TMC5: variants seen among roughly 807,000 people sequenced by gnomAD.
TMC5 encodes the protein transmembrane channel like 5.
In TMC5, 86 loss-of-function variants were observed where a neutral mutation model predicts 110.5. The observed-to-expected ratio is 0.78, with a 90% CI of 0.65 to 0.93. The LOEUF (loss-of-function observed/expected upper bound fraction) is 0.93. Among genes scored for constraint, TMC5 ranks in the 40% least tolerant of loss-of-function variants. TMC5 has a pLI of 0.00. For synonymous variants in TMC5, 455 were observed against 439.5 expected (o/e 1.04, Z -0.44); for missense variants, 1,144 against 1,222.8 (o/e 0.94, Z 0.96).
At chr16:19,449,708 A>T in intron 5 of TMC5, 77 bp downstream of exon 5, 1 of 1,310,210 alleles carries the variant, frequency 7.6e-7, no homozygotes. Flanking sequence ...CGGGGGAGAG[A>T]CCTGGTGGGA....
intron 5 of TMC5, among the ~76,000 whole-genome samples, chr16:19,458,147 T>G (rs919493062): frequency 6.6e-6 from 1 of 152,168 alleles, no homozygotes; most frequent in African/African-American, 2.4e-5. Context: ...AGATCTTAGC[T>G]GAGACCTTCC....
At chr16:19,467,983 T>A (rs1968231424) in intron 9 of TMC5, among the ~76,000 whole-genome samples, 1 of 151,936 alleles carries the variant, frequency 6.6e-6, no homozygotes, top group Non-Finnish European at 1.5e-5. Flanking sequence ...ATTATTATTA[T>A]TAATATTTTG....
At chr16:19,417,543 T>TAA (rs111382831), upstream of TMC5, among the ~76,000 whole-genome samples, 1 of 147,630 alleles carries the variant, frequency 6.8e-6, no homozygotes, top group Non-Finnish European at 1.5e-5. Flanking sequence ...ACTCTAGGGT[T>TAA]AAAAAAAAAA....
At chr16:19,456,750 A>G (rs1967883637) in intron 5 of TMC5, 1 of 1,613,966 alleles carries the variant, frequency 6.2e-7, no homozygotes, top group East Asian at 2.2e-5. Flanking sequence ...ATACAGGTTG[A>G]GAATGTTTCC....
At chr16:19,412,195 C>T (rs183651435) in intron 1 of TMC5, among the ~76,000 whole-genome samples, 4 of 150,904 alleles carry the variant, frequency 2.7e-5, no homozygotes, top group African/African-American at 7.3e-5. Context: ...CTCAGCCTCC[C>T]GAGTAGCTGG....
At chr16:19,458,786 G>T (rs1196568947) in intron 5 of TMC5, among the ~76,000 whole-genome samples, 1 of 152,080 alleles carries the variant, frequency 6.6e-6, no homozygotes, top group Non-Finnish European at 1.5e-5. Flanking sequence ...AGAGAGATTT[G>T]GTGGTCCTCT....
chr16:19,491,643 C>A (rs1274238265), intron 18 of TMC5, among the ~76,000 whole-genome samples: 1 of 148,956 alleles, frequency 6.7e-6, no homozygotes, highest in Non-Finnish European at 1.5e-5. Context: ...TCATGCCATT[C>A]TCCTGCCTCA....
At chr16:19,456,481 C>G in intron 5 of TMC5, 1 of 1,235,626 alleles carries the variant, frequency 8.1e-7, no homozygotes, top group Non-Finnish European at 1.0e-6. Context: ...CACTCCTTCT[C>G]CTGAGAAAAC....
intron 2 of TMC5, among the ~76,000 whole-genome samples, chr16:19,437,699 C>T (rs1257639613): frequency 1.3e-5 from 2 of 152,176 alleles, no homozygotes; most frequent in African/African-American, 4.8e-5. Flanking sequence ...ATATGCTTGA[C>T]TTTTATTTTC....
At chr16:19,483,486 G>A (rs1315975871) in intron 15 of TMC5, among the ~76,000 whole-genome samples, 2 of 152,102 alleles carry the variant, frequency 1.3e-5, no homozygotes, top group African/African-American at 2.4e-5. Context: ...CATAAGAATA[G>A]CTACCTTTAA....
rs1187289811 is a variant in TMC5, at chr16:19,429,837, G to A, written c.-307-576G>A. On this transcript the variant is annotated intron_variant, in intron 1 of 21. Coordinates refer to ENST00000542583, the MANE Select transcript of TMC5 (RefSeq NM_001261841.2). ...CGGCCTCCCAAAGTACTGGGATTACGGCGGGAATCACTGTGCCTGGCCCAA... is the reference window on the plus strand; with the variant it reads ...CGGCCTCCCAAAGTACTGGGATTACAGCGGGAATCACTGTGCCTGGCCCAA... Among the ~76,000 whole-genome samples, 12 of 151,858 alleles carry A rather than the reference G, an allele frequency of 7.9e-5. No homozygotes were observed. The South Asian group carries it at 1.5e-3, about 18-fold the overall frequency.
intron 1 of TMC5, among the ~76,000 whole-genome samples, chr16:19,428,094 C>A (rs1283086671): frequency 2.0e-5 from 3 of 152,116 alleles, no homozygotes; most frequent in African/African-American, 7.2e-5. Context: ...GGGGTTTAGT[C>A]CATGAACTTC....
chr16:19,498,667 A>G lies in TMC5; in HGVS notation c.*701A>G, dbSNP rs1254316678. The G allele has an allele frequency of 6.6e-6, 1 of 152,184 alleles. No individual in the cohort carries two copies. The highest frequency in any genetic ancestry group is 1.9e-4 in the East Asian group (1 of 5,190). 9.4% of individuals were successfully genotyped at this position (152,184 alleles called of 1,614,324 possible). A position where few individuals can be genotyped will look rare whatever the true frequency, so the allele number is the denominator to read the frequency against. ...ATTTATCCGAGACGCGATTATTGCT[A>G]ATTGGAAATTTTCCCAATACCCCAC... is the stretch of plus-strand genomic sequence containing the variant. On this transcript the variant is annotated 3_prime_UTR_variant, in exon 22 of 22. Coordinates refer to ENST00000542583, the MANE Select transcript of TMC5 (RefSeq NM_001261841.2).
chr16:19,463,905 C>T lies in TMC5; in HGVS notation c.1366C>T (p.Leu456Phe). ...CTCCTATTTCAACTTTCTGAGATGGCTTTTGAAGTTCAACATTTTCTCATT... is the reference window on the plus strand; with the variant it reads ...CTCCTATTTCAACTTTCTGAGATGGTTTTTGAAGTTCAACATTTTCTCATT... ...VLSYFNFLRW[L>F]LKFNIFSFIL... Residue 456 changes from leucine (L) to phenylalanine (F), a missense_variant, in exon 8 of 22, where the codon CTT (leucine) becomes TTT (phenylalanine). Transcript: ENST00000542583. 1 of 1,614,172 alleles carries T rather than the reference C, an allele frequency of 6.2e-7. No individual in the cohort carries two copies.
chr16:19,495,440 T>G (rs1481030085), intron 20 of TMC5, among the ~76,000 whole-genome samples: 1 of 152,222 alleles, frequency 6.6e-6, no homozygotes, highest in Non-Finnish European at 1.5e-5. Flanking sequence ...GTATCATAAC[T>G]TCCCTCCCCC....
Position 19,440,076 on chromosome 16 carries a change from A to G in TMC5, c.38A>G (p.Asp13Gly). 1 of 1,613,996 alleles carries G rather than the reference A, an allele frequency of 6.2e-7. No homozygotes were observed. The highest frequency in any genetic ancestry group is 8.5e-7 in the Non-Finnish European group (1 of 1,179,972). Residue 13 changes from aspartate to glycine, a missense_variant, in exon 3 of 22, where the codon GAC becomes GGC. Transcript: ENST00000542583. ...TACAGGAATAACTGGTCTGAGGAAG[A>G]CCCAGATTACCCTGACTATTCAGGG... The part of the protein sequence containing the change: ...AYYRNNWSEE[D>G]PDYPDYSGSQ...
intron 5 of TMC5, among the ~76,000 whole-genome samples, chr16:19,456,216 A>T (rs7201704): frequency 0.72 from 107,721 of 148,596 alleles, 39,606 homozygotes; most frequent in South Asian, 0.89. Context: ...CAAAAAAAAA[A>T]ATATATATAT....
chr16:19,476,326 A>T (rs1431780680), intron 12 of TMC5, among the ~76,000 whole-genome samples: 1 of 152,046 alleles, frequency 6.6e-6, no homozygotes, highest in Non-Finnish European at 1.5e-5. Flanking sequence ...CAGTTTGGGT[A>T]ACAGAGTGAG....
Position 19,463,982 on chromosome 16 carries a change from G to C in TMC5, c.1443G>C (p.Lys481Asn), listed in dbSNP as rs373261054. The change falls in exon 8 of 22, where the codon AAG becomes AAC. Residue 481 changes from lysine to asparagine, a missense_variant. Lys to Asn is a moderately conservative substitution (Grantham distance 94, BLOSUM62 0). Transcript: ENST00000542583. ...IIIPQFTVAK[K>N]NTLQFTGLEF... Reference sequence around the variant, plus strand: ...TCCCTCAGTTTACCGTGGCCAAAAAGAACACCCTCCAGTTCACTGGGCTGG... The same window carrying C: ...TCCCTCAGTTTACCGTGGCCAAAAACAACACCCTCCAGTTCACTGGGCTGG... 34 of 1,614,004 alleles carry C rather than the reference G, an allele frequency of 2.1e-5. No homozygotes were observed. Among genetic ancestry groups the C allele is most frequent in the Non-Finnish European group, 2.5e-5 (30 of 1,180,022 alleles).
Sources: allele counts gnomAD v4.1 joint callset (sites outside exome capture counted in the v4.1 genomes callset), GRCh38; gene constraint gnomAD v4.1.1; transcripts MANE v1.5; gene names NCBI Gene and HGNC (gene_info 2026-07-23, HGNC 2026-07-21).